Variants in PCDHA7 observed in about 807,000 individuals in gnomAD.
The protein encoded by PCDHA7 is protocadherin alpha 7.
Under a neutral mutation model 57.2 loss-of-function variants are expected in PCDHA7, and 37 were observed. The observed-to-expected ratio is 0.65, with a 90% CI of 0.50 to 0.85. The LOEUF is 0.85. Ranked by LOEUF, PCDHA7 falls within the 40% of genes least tolerant of loss-of-function variation. The pLI is 0.00. For missense variants in PCDHA7, 1,188 were observed against 1,241.8 expected, an observed-to-expected ratio of 0.96 and a Z score of 0.65; for synonymous variants, 553 against 558.8, an observed-to-expected ratio of 0.99 and a Z score of 0.15.
intron 3 of PCDHA7, among the ~76,000 whole-genome samples, chr5:140,993,994 A>T (rs1393081374): frequency 6.6e-6 from 1 of 152,234 alleles, no homozygotes; most frequent in African/African-American, 2.4e-5. Context: ...CACTTAGGTC[A>T]GGCCAGGCTC....
intron 1 of PCDHA7, among the ~76,000 whole-genome samples, chr5:140,910,545 A>T (rs551984797): frequency 1.3e-5 from 2 of 152,316 alleles, no homozygotes; most frequent in East Asian, 1.9e-4. Context: ...TCTATTTTGC[A>T]AAGTATTAGT....
At chr5:140,949,603 A>G (rs1218724530) in intron 1 of PCDHA7, among the ~76,000 whole-genome samples, 3 of 151,662 alleles carry the variant, frequency 2.0e-5, no homozygotes, top group Non-Finnish European at 4.4e-5. Flanking sequence ...TGGCCATTCT[A>G]GTCTCATGTT....
intron 1 of PCDHA7, among the ~76,000 whole-genome samples, chr5:140,901,280 T>G (rs1554189719): frequency 1.3e-5 from 2 of 152,132 alleles, no homozygotes. Context: ...CTCAAGAAAT[T>G]TTTGCCCAGA....
At chr5:140,924,895 AAAAAAAAAAATAAAATAAAATAAAAT>A (rs1157767234) in intron 1 of PCDHA7, among the ~76,000 whole-genome samples, 8 of 132,230 alleles carry the variant, frequency 6.1e-5, no homozygotes, top group East Asian at 2.1e-4. Flanking sequence ...AACCTGTCTC[AAAAAAAAAAATAAAATAAAATAAAAT>A]AAAATAAAAT....
chr5:140,864,004 A>G (rs1042382501), intron 1 of PCDHA7: 4 of 153,124 alleles, frequency 2.6e-5, no homozygotes, highest in Non-Finnish European at 4.4e-5. Context: ...CTGTCTTAAA[A>G]AAAAAAGTAC....
intron 1 of PCDHA7, among the ~76,000 whole-genome samples, chr5:140,873,279 A>G (rs1292548146): frequency 6.6e-6 from 1 of 152,200 alleles, no homozygotes; most frequent in African/African-American, 2.4e-5. Flanking sequence ...CCATCATACC[A>G]CTTATGAAAC....
chr5:140,877,262 T>C (rs1554169532), intron 1 of PCDHA7: 2 of 1,613,670 alleles, frequency 1.2e-6, no homozygotes, highest in South Asian at 2.2e-5. Flanking sequence ...GTGCGCGCGG[T>C]GGACGCTGAC....
At chr5:140,861,658 G>T (rs913348410) in intron 1 of PCDHA7, 2 of 268,996 alleles carry the variant, frequency 7.4e-6, no homozygotes, top group Non-Finnish European at 1.5e-5. Context: ...TTTCTGAAAC[G>T]AGAGCTCTTG....
rs1412963703 is a variant in PCDHA7, at chr5:140,852,839, T to C, written c.2355+16101T>C. 5.2e-6 allele frequency: 5 copies of C among 968,992 alleles called. 1 individual carries two copies. Among genetic ancestry groups the C allele is most frequent in the Non-Finnish European group, 6.2e-6 (5 of 802,288 alleles). The allele number at this position is 968,992 out of a possible 1,614,324, so 60.0% of individuals were successfully genotyped here. On this transcript the variant is annotated intron_variant, in intron 1 of 3. Coordinates refer to ENST00000525929, the MANE Select transcript of PCDHA7 (RefSeq NM_018910.3). Reference sequence around the variant, plus strand: ...CTAAGTCCTCCAGTCTCCTTAGAGCTAGTACTTACTAAGCATTTACTATGT... The same window carrying C: ...CTAAGTCCTCCAGTCTCCTTAGAGCCAGTACTTACTAAGCATTTACTATGT...
At chr5:140,917,211 C>T (rs938458701) in intron 1 of PCDHA7, among the ~76,000 whole-genome samples, 3 of 151,636 alleles carry the variant, frequency 2.0e-5, no homozygotes, top group Non-Finnish European at 2.9e-5. Context: ...TTCAATGCCT[C>T]TTTTAGTGAT....
chr5:140,867,581 T>C (rs1322597888), intron 1 of PCDHA7: 1 of 152,170 alleles, frequency 6.6e-6, no homozygotes, highest in Non-Finnish European at 1.5e-5. Context: ...GCCCTTGCAG[T>C]ATTTTTAGAT....
At position 140,851,072 on chromosome 5, in the gene PCDHA7, A is replaced by G; in HGVS notation, c.2355+14334A>G. The stretch of plus-strand genomic sequence containing the variant: ...TTTGTCTTGACTTCTAGTGAGAATT[A>G]TAAACTGTATATTAAATAGATATTT... On this transcript the variant is annotated intron_variant, in intron 1 of 3. Coordinates refer to ENST00000525929, the MANE Select transcript of PCDHA7 (RefSeq NM_018910.3). The G allele has an allele frequency of 5.9e-6, 8 of 1,346,802 alleles. 1 individual carries two copies. The highest frequency in any genetic ancestry group is 7.8e-6 in the Non-Finnish European group (8 of 1,027,866). The allele number at this position is 1,346,802 out of a possible 1,614,324, so 83.4% of individuals were successfully genotyped here. A position where few individuals can be genotyped will look rare whatever the true frequency, so the allele number is the denominator to read the frequency against.
chr5:140,896,467 G>A (rs191220082), intron 1 of PCDHA7, among the ~76,000 whole-genome samples: 1,607 of 151,540 alleles, frequency 0.011, 16 homozygotes, highest in African/African-American at 0.028. Context: ...GGTTCAAGCG[G>A]TTCTCCTGCC....
chr5:140,849,974 G>A lies in PCDHA7; in HGVS notation c.2355+13236G>A, dbSNP rs190398483. The stretch of plus-strand genomic sequence containing the variant: ...AGGAGAACGCCCTGGTGTCCTACTC[G>A]CTGGTGGAGCGGCGGTTGGGCGAGC... On this transcript the variant is annotated intron_variant, in intron 1 of 3. Transcript: ENST00000525929. The A allele has an allele frequency of 6.3e-5, 100 of 1,597,670 alleles. 8 individuals carry two copies. Among genetic ancestry groups the A allele is most frequent in the Non-Finnish European group, 7.6e-5 (89 of 1,167,890 alleles).
chr5:140,918,006 TG>T (rs1358735901), intron 1 of PCDHA7, among the ~76,000 whole-genome samples: 6 of 152,208 alleles, frequency 3.9e-5, no homozygotes, highest in Non-Finnish European at 7.3e-5. Flanking sequence ...TTAACAATGT[TG>T]TTTCTTCCTA....
chr5:140,857,209 T>C (rs2044423092), intron 1 of PCDHA7: 1 of 1,598,580 alleles, frequency 6.3e-7, no homozygotes, highest in South Asian at 1.1e-5. Flanking sequence ...TCACCTGCTC[T>C]CTGACGCCTC....
chr5:140,836,877 C>A, intron 1 of PCDHA7, 139 bp downstream of exon 1: 1 of 682,570 alleles, frequency 1.5e-6, no homozygotes, highest in Non-Finnish European at 2.3e-6. Flanking sequence ...GCTGTATTTG[C>A]ACTAATTATT....
intron 1 of PCDHA7, among the ~76,000 whole-genome samples, chr5:140,880,775 ATGTT>A (rs1320602954): frequency 6.6e-6 from 1 of 152,230 alleles, no homozygotes; most frequent in Admixed American, 6.5e-5. Context: ...GCTAAAAAGA[ATGTT>A]AGAGGAGTAA....
Position 140,836,551 on chromosome 5 carries a change from G to A in PCDHA7, c.2168G>A (p.Cys723Tyr). ...LTLLLYTALR[C>Y]SAPSSEGACS... ...CTGCTGCTGTACACGGCGTTGCGGTGCTCAGCGCCGTCCTCTGAGGGCGCA... is the reference window on the plus strand; with the variant it reads ...CTGCTGCTGTACACGGCGTTGCGGTACTCAGCGCCGTCCTCTGAGGGCGCA... Residue 723 changes from cysteine (C) to tyrosine (Y), a missense_variant, in exon 1 of 4, where the codon TGC becomes TAC. Transcript: ENST00000525929. The A allele has an allele frequency of 6.2e-7, 1 of 1,613,756 alleles. No homozygotes were observed. Among genetic ancestry groups the A allele is most frequent in the South Asian group, 1.1e-5 (1 of 91,074 alleles).
Sources: allele counts gnomAD v4.1 joint callset (sites outside exome capture counted in the v4.1 genomes callset), GRCh38; gene constraint gnomAD v4.1.1; transcripts MANE v1.5; gene names NCBI Gene and HGNC (gene_info 2026-07-23, HGNC 2026-07-21).